The following CDH18 variants were observed in gnomAD, a reference collection of about 807,000 sequenced individuals.
CDH18 encodes cadherin 18.
Under a neutral mutation model 67.9 loss-of-function variants are expected in CDH18, and 31 were observed. That is an observed-to-expected ratio of 0.46 (90% CI 0.34 to 0.62). The LOEUF (loss-of-function observed/expected upper bound fraction) is 0.62. Among genes scored for constraint, CDH18 ranks in the 20% least tolerant of loss-of-function variants. The probability of loss-of-function intolerance (pLI) is 0.01; values close to 1 mark genes in which losing one functional copy is unlikely to be tolerated. For missense variants in CDH18, 890 were observed against 975.5 expected, an observed-to-expected ratio of 0.91 and a Z score of 1.17; for synonymous variants, 362 against 347.2, an observed-to-expected ratio of 1.04 and a Z score of -0.48.
At chr5:20,147,412 C>T (rs1187512420) in intron 2 of CDH18, among the ~76,000 whole-genome samples, 3 of 151,526 alleles carry the variant, frequency 2.0e-5, no homozygotes. Flanking sequence ...TTAGACTGCA[C>T]CATTAAAAAT....
intron 1 of CDH18, among the ~76,000 whole-genome samples, chr5:20,388,711 T>C (rs1370021674): frequency 6.6e-6 from 1 of 152,216 alleles, no homozygotes; most frequent in African/African-American, 2.4e-5. Flanking sequence ...CATTTAGTGC[T>C]ATAAATTTCC....
At chr5:20,312,057 G>A (rs193062534) in intron 1 of CDH18, among the ~76,000 whole-genome samples, 224 of 152,222 alleles carry the variant, frequency 1.5e-3, no homozygotes, top group Non-Finnish European at 1.6e-3. Context: ...TGAGTTTTGA[G>A]TGGATGCACC....
chr5:19,622,657 A>T (rs1006012610), intron 5 of CDH18, among the ~76,000 whole-genome samples: 1 of 152,260 alleles, frequency 6.6e-6, no homozygotes, highest in East Asian at 1.9e-4. Context: ...ATCTAGCTAG[A>T]TTGTTAATGA....
At chr5:19,733,097 C>G (rs953206115) in intron 4 of CDH18, among the ~76,000 whole-genome samples, 8 of 152,086 alleles carry the variant, frequency 5.3e-5, no homozygotes, top group Non-Finnish European at 1.0e-4. Flanking sequence ...ATGACACAGG[C>G]AGGAGGCAGA....
At chr5:20,130,864 T>A (rs1429824238) in intron 2 of CDH18, among the ~76,000 whole-genome samples, 1 of 152,060 alleles carries the variant, frequency 6.6e-6, no homozygotes, top group Non-Finnish European at 1.5e-5. Context: ...TATCATTTTC[T>A]TTTTATCACA....
At chr5:20,387,779 G>T (rs1168803356) in intron 1 of CDH18, among the ~76,000 whole-genome samples, 1 of 152,124 alleles carries the variant, frequency 6.6e-6, no homozygotes, top group Non-Finnish European at 1.5e-5. Context: ...TAGCATGAAG[G>T]TTGTTGAATT....
At chr5:20,255,136 G>A (rs1744134993) in intron 2 of CDH18, among the ~76,000 whole-genome samples, 1 of 152,080 alleles carries the variant, frequency 6.6e-6, no homozygotes, top group Admixed American at 6.6e-5. Flanking sequence ...GAAGAGGGAG[G>A]GAAGGAGAGG....
chr5:19,885,354 A>T (rs541175545), intron 2 of CDH18, among the ~76,000 whole-genome samples: 12 of 152,322 alleles, frequency 7.9e-5, no homozygotes, highest in African/African-American at 2.9e-4. Flanking sequence ...AGCTGTTATC[A>T]AGCAAATCAG....
chr5:19,506,737 T>C (rs1391310183), intron 10 of CDH18, among the ~76,000 whole-genome samples: 1 of 152,204 alleles, frequency 6.6e-6, no homozygotes, highest in Non-Finnish European at 1.5e-5. Flanking sequence ...TCCTTACACC[T>C]TATACAAAAA....
chr5:19,475,896 T>C (rs1360200055), intron 12 of CDH18, among the ~76,000 whole-genome samples: 3 of 152,076 alleles, frequency 2.0e-5, no homozygotes, highest in African/African-American at 7.2e-5. Context: ...TGCTTACCTC[T>C]GCAAAGTAAC....
At position 19,591,049 on chromosome 5, in the gene CDH18, C is replaced by G. The variant is rs1340770064; in HGVS notation, c.999+8G>C. 6.5e-7 allele frequency: 1 copy of G among 1,546,158 alleles called. No individual in the cohort carries two copies. The highest frequency in any genetic ancestry group is 1.9e-5 in the Admixed American group (1 of 51,692). On this transcript the variant is annotated splice_region_variant and intron_variant, in intron 7 of 12. Coordinates refer to ENST00000382275, the MANE Select transcript of CDH18 (RefSeq NM_004934.5). ...TTGCCTGAATCACAAAAAGTATGTT[C>G]TTTTTACCTTCTTTAAAGAAAGGAT...
intron 7 of CDH18, among the ~76,000 whole-genome samples, chr5:19,575,584 G>C (rs1298140978): frequency 6.6e-6 from 1 of 152,166 alleles, no homozygotes; most frequent in Non-Finnish European, 1.5e-5. Flanking sequence ...TTACTGGAAT[G>C]GTGCTTAGAA....
At chr5:19,771,110 G>A (rs1199763782) in intron 3 of CDH18, among the ~76,000 whole-genome samples, 4 of 152,130 alleles carry the variant, frequency 2.6e-5, no homozygotes, top group Non-Finnish European at 5.9e-5. Flanking sequence ...AGAGAAACAT[G>A]AATCACTGAG....
chr5:20,120,104 T>C (rs1175989802), intron 2 of CDH18, among the ~76,000 whole-genome samples: 19 of 152,084 alleles, frequency 1.2e-4, no homozygotes, highest in Admixed American at 1.2e-3. Context: ...TGGGTTTCTA[T>C]TTCCTCTTTA....
chr5:20,379,740 G>A (rs886483043), intron 1 of CDH18, among the ~76,000 whole-genome samples: 1 of 151,472 alleles, frequency 6.6e-6, no homozygotes, highest in African/African-American at 2.4e-5. Context: ...TAAAGATCAG[G>A]CAATAAAAAT....
At chr5:19,657,714 A>G (rs775078164) in intron 5 of CDH18, among the ~76,000 whole-genome samples, 4 of 152,308 alleles carry the variant, frequency 2.6e-5, no homozygotes, top group Admixed American at 1.3e-4. Context: ...ATTAATTTCT[A>G]TAAAACATCT....
intron 3 of CDH18, among the ~76,000 whole-genome samples, chr5:19,797,834 A>C (rs1434494537): frequency 6.6e-6 from 1 of 152,066 alleles, no homozygotes; most frequent in African/African-American, 2.4e-5. Flanking sequence ...GCCTATTCTA[A>C]AAATTCTATG....
At chr5:20,002,205 C>T (rs1206381287) in intron 2 of CDH18, among the ~76,000 whole-genome samples, 2 of 152,154 alleles carry the variant, frequency 1.3e-5, no homozygotes, top group Admixed American at 1.3e-4. Context: ...ATTGATAGAA[C>T]TTTTCTATTG....
chr5:19,724,837 G>A (rs6895683), intron 4 of CDH18, among the ~76,000 whole-genome samples: 146,873 of 152,180 alleles, frequency 0.97, 71,073 homozygotes, highest in Middle Eastern at 1. Flanking sequence ...GATTAAATCA[G>A]TTCCCACCAC....
Sources: gnomAD v4.1 joint callset for allele counts (sites outside exome capture counted in the v4.1 genomes callset) on GRCh38, gnomAD v4.1.1 for gene constraint, MANE v1.5 for transcripts, NCBI Gene and HGNC (gene_info 2026-07-23, HGNC 2026-07-21) for gene names.